PTPRD: variants seen among roughly 807,000 people sequenced by gnomAD.
PTPRD encodes receptor-type tyrosine-protein phosphatase delta.
In PTPRD, 34 loss-of-function variants were observed where a neutral mutation model predicts 214.5. The ratio of observed to expected loss-of-function variants is 0.16; its 90% CI spans 0.12 to 0.21. The LOEUF is 0.21. Among genes scored for constraint, PTPRD ranks in the 10% least tolerant of loss-of-function variants. The pLI is 1.00. For missense variants in PTPRD, 2,545 were observed against 2,398.7 expected (o/e 1.06, Z -1.27); for synonymous variants, 1,128 against 845.7 (o/e 1.33, Z -5.79).
intron 10 of PTPRD, among the ~76,000 whole-genome samples, chr9:9,113,278 C>A (rs1252611059): frequency 2.0e-5 from 3 of 152,046 alleles, no homozygotes; most frequent in Non-Finnish European, 4.4e-5. Context: ...CCCAGCCATA[C>A]TTCATTTTTA....
intron 7 of PTPRD, among the ~76,000 whole-genome samples, chr9:9,578,690 T>C (rs1181794019): frequency 2.6e-5 from 4 of 152,136 alleles, no homozygotes; most frequent in Admixed American, 6.6e-5. Context: ...GTATCCTCAG[T>C]TGATGCTCAG....
At chr9:9,448,423 G>A (rs906713434) in intron 8 of PTPRD, among the ~76,000 whole-genome samples, 1 of 151,952 alleles carries the variant, frequency 6.6e-6, no homozygotes, top group African/African-American at 2.4e-5. Context: ...TTTCCTAAGT[G>A]TTTGCAAGTT....
chr9:10,216,929 C>A (rs2099544177), intron 3 of PTPRD, among the ~76,000 whole-genome samples: 1 of 151,948 alleles, frequency 6.6e-6, no homozygotes, highest in Non-Finnish European at 1.5e-5. Flanking sequence ...GCTTTCTGTT[C>A]ATTCCTCCAC....
chr9:8,836,976 C>A (rs1374941180), intron 11 of PTPRD, among the ~76,000 whole-genome samples: 3 of 151,708 alleles, frequency 2.0e-5, no homozygotes, highest in Non-Finnish European at 4.4e-5. Context: ...CCCATCCCCC[C>A]ACCATTTGGG....
chr9:8,720,666 C>A (rs1166707780), intron 12 of PTPRD, among the ~76,000 whole-genome samples: 1 of 151,056 alleles, frequency 6.6e-6, no homozygotes, highest in Non-Finnish European at 1.5e-5. Flanking sequence ...ACACAGAAAT[C>A]AAAAATTTCC....
chr9:8,564,343 G>T (rs1177874652), intron 14 of PTPRD, among the ~76,000 whole-genome samples: 1 of 152,092 alleles, frequency 6.6e-6, no homozygotes, highest in Non-Finnish European at 1.5e-5. Context: ...CAAAAATCAT[G>T]ATGCATCTGT....
At chr9:8,476,481 G>A (rs1440150651) in intron 30 of PTPRD, among the ~76,000 whole-genome samples, 3 of 152,066 alleles carry the variant, frequency 2.0e-5, no homozygotes, top group Non-Finnish European at 1.5e-5. Context: ...TTAAACTATC[G>A]ATCATTCTGT....
chr9:9,591,242 G>A (rs2092697511), intron 7 of PTPRD, among the ~76,000 whole-genome samples: 1 of 151,952 alleles, frequency 6.6e-6, no homozygotes, highest in Admixed American at 6.6e-5. Flanking sequence ...CCATTCCTGC[G>A]GTGGGAGGAC....
intron 2 of PTPRD, among the ~76,000 whole-genome samples, chr9:10,548,523 G>A (rs2060629437): frequency 6.6e-6 from 1 of 152,184 alleles, no homozygotes. Flanking sequence ...TGAAAGCCTG[G>A]AAAAGTGAAA....
chr9:10,563,162 T>C (rs562079945), intron 2 of PTPRD, among the ~76,000 whole-genome samples: 10 of 152,300 alleles, frequency 6.6e-5, no homozygotes, highest in African/African-American at 2.2e-4. Flanking sequence ...AAATACAGCA[T>C]TCCTGACTGT....
chr9:10,611,730 C>T (rs1350454821), intron 2 of PTPRD, among the ~76,000 whole-genome samples: 2 of 152,164 alleles, frequency 1.3e-5, no homozygotes, highest in Non-Finnish European at 2.9e-5. Flanking sequence ...AGTCTCAGCC[C>T]TGCCCTCTCC....
chr9:8,358,155 T>G (rs1232203728), intron 39 of PTPRD, among the ~76,000 whole-genome samples: 2 of 152,158 alleles, frequency 1.3e-5, no homozygotes, highest in Admixed American at 1.3e-4. Context: ...GGATGCAATG[T>G]GACCTCATAG....
chr9:10,155,198 T>C (rs1450093586), intron 3 of PTPRD, among the ~76,000 whole-genome samples: 1 of 152,066 alleles, frequency 6.6e-6, no homozygotes, highest in East Asian at 1.9e-4. Context: ...ATTTTACTCT[T>C]TTTGTGGCAA....
chr9:9,138,058 T>C (rs1203475195), intron 10 of PTPRD, among the ~76,000 whole-genome samples: 1 of 152,182 alleles, frequency 6.6e-6, no homozygotes, highest in Non-Finnish European at 1.5e-5. Context: ...TACATAGATC[T>C]GTCTGATGCT....
chr9:8,864,036 A>G lies in PTPRD; in HGVS notation c.-103-130090T>C, dbSNP rs1586872273. The stretch of plus-strand genomic sequence containing the variant: ...AATAAAGGAACACTCTACAGAGACC[A>G]AAAACTGATGAAACAGGCTCCATCT... On this transcript the variant is annotated intron_variant, in intron 11 of 45. Coordinates refer to ENST00000381196, the MANE Select transcript of PTPRD (RefSeq NM_002839.4). Among the ~76,000 whole-genome samples, 4 of 152,316 alleles carry G rather than the reference A, an allele frequency of 2.6e-5. No homozygotes were observed. The East Asian group carries it at 7.7e-4, about 29-fold the overall frequency.
chr9:10,167,604 G>A (rs138493237), intron 3 of PTPRD, among the ~76,000 whole-genome samples: 57 of 152,248 alleles, frequency 3.7e-4, no homozygotes, highest in African/African-American at 1.3e-3. Flanking sequence ...ATTAGAAGTG[G>A]ATGTACGGAG....
chr9:9,856,006 T>C (rs1032491577), intron 5 of PTPRD, among the ~76,000 whole-genome samples: 2 of 152,084 alleles, frequency 1.3e-5, no homozygotes, highest in African/African-American at 2.4e-5. Context: ...AAAAATGAGA[T>C]CGCAAGAATG....
chr9:10,080,171 C>G (rs2098211992), intron 3 of PTPRD, among the ~76,000 whole-genome samples: 1 of 152,100 alleles, frequency 6.6e-6, no homozygotes, highest in Non-Finnish European at 1.5e-5. Context: ...AACAGCCTGA[C>G]AGCATATCCT....
At chr9:9,805,683 T>C (rs1031902167) in intron 5 of PTPRD, among the ~76,000 whole-genome samples, 1 of 152,204 alleles carries the variant, frequency 6.6e-6, no homozygotes, top group Non-Finnish European at 1.5e-5. Flanking sequence ...AGCTAGATCC[T>C]AACTTTTTCA....
Sources: allele counts gnomAD v4.1 joint callset (sites outside exome capture counted in the v4.1 genomes callset), GRCh38; gene constraint gnomAD v4.1.1; transcripts MANE v1.5; gene names NCBI Gene and HGNC (gene_info 2026-07-23, HGNC 2026-07-21).